The following MGAT5B variants were observed in gnomAD, a reference collection of about 807,000 sequenced individuals.
The protein encoded by MGAT5B is alpha-1,6-mannosylglycoprotein 6-beta-N-acetylglucosaminyltransferase B.
In MGAT5B, 54 loss-of-function variants were observed where a neutral mutation model predicts 95.1. The observed-to-expected ratio is 0.57, with a 90% CI of 0.46 to 0.71. MGAT5B has a LOEUF of 0.71. Among genes scored for constraint, MGAT5B ranks in the 30% least tolerant of loss-of-function variants. The pLI, the probability that MGAT5B is intolerant of heterozygous loss-of-function variation, is 0.00. For missense variants in MGAT5B, 935 were observed against 1,088.6 expected, an observed-to-expected ratio of 0.86 and a Z score of 1.99; for synonymous variants, 464 against 451.0, an observed-to-expected ratio of 1.03 and a Z score of -0.36.
In MGAT5B at chr17:76,933,188, G is replaced by A. The variant is rs866224133; in HGVS notation, c.1423-104G>A. 331 of 1,444,928 alleles carry A rather than the reference G, an allele frequency of 2.3e-4. 6 individuals are homozygous for A. In the Middle Eastern group the frequency reaches 9.9e-3, roughly 43 times the overall value. The allele number at this position is 1,444,928 out of a possible 1,614,324, so 89.5% of individuals were successfully genotyped here. On this transcript the variant is annotated intron_variant, in intron 11 of 17. Coordinates refer to ENST00000569840, the MANE Select transcript of MGAT5B (RefSeq NM_001199172.2). ...AGATTAGAACCCCATCTTCAGGGTTGGGGGCCCCAGAGAGGAGCTGCCTGC... is the reference window on the plus strand; with the variant it reads ...AGATTAGAACCCCATCTTCAGGGTTAGGGGCCCCAGAGAGGAGCTGCCTGC...
chr17:76,906,900 G>A lies in MGAT5B; in HGVS notation c.1025+713G>A, dbSNP rs1439335119. Among the ~76,000 whole-genome samples the A allele has an allele frequency of 3.9e-5, 6 of 152,020 alleles. No homozygotes were observed. Among genetic ancestry groups the A allele is most frequent in the Non-Finnish European group, 8.8e-5 (6 of 68,004 alleles). On this transcript the variant is annotated intron_variant, in intron 8 of 17. Coordinates refer to ENST00000569840, the MANE Select transcript of MGAT5B (RefSeq NM_001199172.2). This position sits in a 1 kb window ranked among gnomAD's most constrained non-coding sequence, Gnocchi z 4.6. ...ACAAAGTCTATGTAAAGTATGTTGT[G>A]AAACACAACAGTCAAATCACCTCCC...
chr17:76,948,525 GA>G (rs780725331), intron 17 of MGAT5B, 114 bp from the exon 18 acceptor site: 10 of 1,090,082 alleles, frequency 9.2e-6, no homozygotes, highest in East Asian at 5.2e-5. Context: ...GCTGGGATGG[GA>G]TGGGCCAGAG....
chr17:76,913,006 A>G (rs543347707), intron 8 of MGAT5B, among the ~76,000 whole-genome samples: 38 of 152,356 alleles, frequency 2.5e-4, no homozygotes, highest in African/African-American at 8.9e-4. Context: ...AGAAAACATT[A>G]CTGAGCTCTT....
chr17:76,916,050 G>A lies in MGAT5B; in HGVS notation c.1026-8916G>A, dbSNP rs8081232. ...GTGTGGCGGGGTCACGTTGAGTGCC[G>A]CCAAATGTCGTGGGCCTCTGCTGCT... On this transcript the variant is annotated intron_variant, in intron 8 of 17. Coordinates refer to ENST00000569840, the MANE Select transcript of MGAT5B (RefSeq NM_001199172.2). The surrounding 1 kb of genome is among the most constrained non-coding windows in gnomAD (Gnocchi z 5.3). Among the ~76,000 whole-genome samples, 28,216 of 152,010 alleles carry A rather than the reference G, an allele frequency of 0.19. 2,718 individuals carry two copies. The highest frequency in any genetic ancestry group is 0.37 in the East Asian group (1,883 of 5,146).
At chr17:76,903,201 C>G (rs984460886) in intron 4 of MGAT5B, 102 bp from the exon 5 acceptor site, 14 of 882,654 alleles carry the variant, frequency 1.6e-5, no homozygotes, top group Middle Eastern at 2.3e-4. Context: ...GGTGGGAAAG[C>G]CTGGCAGCGG....
rs894943727 is a variant in MGAT5B, at chr17:76,938,673, G to A, written c.1584+530G>A. 3.3e-5 allele frequency among the ~76,000 whole-genome samples: 5 copies of A among 152,062 alleles called. No homozygotes were observed. The highest frequency in any genetic ancestry group is 1.2e-4 in the African/African-American group (5 of 41,410). On this transcript the variant is annotated intron_variant, in intron 13 of 17. Coordinates refer to ENST00000569840, the MANE Select transcript of MGAT5B (RefSeq NM_001199172.2). The surrounding 1 kb of genome is among the most constrained non-coding windows in gnomAD (Gnocchi z 4.3). ...TGGAGAGTCTCCAGCCAGCTTCTAG[G>A]CACCCCCTCACCCTCTTTTTTATGA... is the stretch of plus-strand genomic sequence containing the variant.
chr17:76,890,368 T>A (rs1045573604), intron 3 of MGAT5B, among the ~76,000 whole-genome samples: 15 of 152,226 alleles, frequency 9.9e-5, no homozygotes, highest in African/African-American at 3.6e-4. Context: ...GTGATAATAA[T>A]AAAATCATTA....
Position 76,932,784 on chromosome 17 carries a change from G to A in MGAT5B, c.1422+9G>A, listed in dbSNP as rs758808493. On this transcript the variant is annotated intron_variant, in intron 11 of 17. Transcript: ENST00000569840. ...AGGCGAGCATCTGGAAGGTGAGCGCGGCCCCTGCGCGCGGGAAGCACCAGC... is the reference window on the plus strand; with the variant it reads ...AGGCGAGCATCTGGAAGGTGAGCGCAGCCCCTGCGCGCGGGAAGCACCAGC... 7 of 1,612,958 alleles carry A rather than the reference G, an allele frequency of 4.3e-6. No individual in the cohort carries two copies. The highest frequency in any genetic ancestry group is 2.2e-5 in the East Asian group (1 of 44,850).
chr17:76,903,283 A>T lies in MGAT5B; in HGVS notation c.446-20A>T, dbSNP rs780549183. On this transcript the variant is annotated intron_variant, in intron 4 of 17. Transcript: ENST00000569840. ...TCCTCCTTGGACCAGGGACTTCAGC[A>T]AGGTGACCTCTCCCTACAGTGTCAG... 2 of 1,601,636 alleles carry T rather than the reference A, an allele frequency of 1.2e-6. No homozygotes were observed. The highest frequency in any genetic ancestry group is 2.2e-5 in the South Asian group (2 of 89,128).
At chr17:76,920,909 T>C (rs1272843670) in intron 8 of MGAT5B, among the ~76,000 whole-genome samples, 1 of 152,214 alleles carries the variant, frequency 6.6e-6, no homozygotes, top group African/African-American at 2.4e-5. Context: ...ACTTTGTGTA[T>C]AGCTTCATAA....
chr17:76,908,750 T>C (rs1304805830), intron 8 of MGAT5B, among the ~76,000 whole-genome samples: 18 of 152,122 alleles, frequency 1.2e-4, no homozygotes, highest in Admixed American at 1.2e-3. Flanking sequence ...AAGTCCACTC[T>C]TCAAGCTATT....
intron 3 of MGAT5B, among the ~76,000 whole-genome samples, chr17:76,899,653 C>T (rs1446592526): frequency 6.6e-6 from 1 of 151,934 alleles, no homozygotes; most frequent in African/African-American, 2.4e-5. Flanking sequence ...CTCTCTCCCT[C>T]TCTCTCTCTG....
chr17:76,942,104 G>A lies in MGAT5B; in HGVS notation c.1848+1256G>A, dbSNP rs74518333. 6.6e-4 allele frequency among the ~76,000 whole-genome samples: 101 copies of A among 152,322 alleles called. No individual in the cohort carries two copies. In the East Asian group the frequency reaches 0.018, roughly 27 times the overall value. ...GGGAGAGGTTGTGTGACCTTGTAATGCTGGATCCTAGCAAAGCACCGGCCT... is the reference window on the plus strand; with the variant it reads ...GGGAGAGGTTGTGTGACCTTGTAATACTGGATCCTAGCAAAGCACCGGCCT... On this transcript the variant is annotated intron_variant, in intron 15 of 17. Coordinates refer to ENST00000569840, the MANE Select transcript of MGAT5B (RefSeq NM_001199172.2).
intron 2 of MGAT5B, among the ~76,000 whole-genome samples, chr17:76,875,580 T>C (rs1480471270): frequency 2.6e-5 from 4 of 151,720 alleles, no homozygotes; most frequent in Non-Finnish European, 4.4e-5. Flanking sequence ...GGAGTAGTCT[T>C]TTGTGTGTGT....
In MGAT5B at chr17:76,868,973, G is replaced by C; in HGVS notation, c.-57G>C. 1 of 1,556,220 alleles carries C rather than the reference G, an allele frequency of 6.4e-7. No individual in the cohort carries two copies. Among genetic ancestry groups the C allele is most frequent in the Non-Finnish European group, 8.9e-7 (1 of 1,128,438 alleles). On this transcript the variant is annotated 5_prime_UTR_variant, in exon 1 of 18. Coordinates refer to ENST00000569840, the MANE Select transcript of MGAT5B (RefSeq NM_001199172.2). This position sits in a 1 kb window ranked among gnomAD's most constrained non-coding sequence, Gnocchi z 6.3. ...GTGGCCCGGACGCGGCGAGAGCTGG[G>C]CCCAGGACGGTGCGTCCGGCCTCGC...
chr17:76,890,900 T>C (rs1410805887), intron 3 of MGAT5B, among the ~76,000 whole-genome samples: 1 of 151,154 alleles, frequency 6.6e-6, no homozygotes, highest in Non-Finnish European at 1.5e-5. Context: ...GGGTTATAGA[T>C]GATCAGCTTC....
chr17:76,870,772 C>T lies in MGAT5B; in HGVS notation c.68+1675C>T, dbSNP rs1216522580. Among the ~76,000 whole-genome samples, 1 of 152,020 alleles carries T rather than the reference C, an allele frequency of 6.6e-6. No homozygotes were observed. The highest frequency in any genetic ancestry group is 2.4e-5 in the African/African-American group (1 of 41,388). Reference sequence around the variant, plus strand: ...TGGGGGGCAGGCTGCAATCATAGCACCCCAGCTTATTCATCCTCAAAGGCA... The same window carrying T: ...TGGGGGGCAGGCTGCAATCATAGCATCCCAGCTTATTCATCCTCAAAGGCA... On this transcript the variant is annotated intron_variant, in intron 1 of 17. Coordinates refer to ENST00000569840, the MANE Select transcript of MGAT5B (RefSeq NM_001199172.2). This position sits in a 1 kb window ranked among gnomAD's most constrained non-coding sequence, Gnocchi z 5.0.
intron 2 of MGAT5B, among the ~76,000 whole-genome samples, chr17:76,878,716 C>G (rs556112): frequency 0.45 from 67,908 of 152,108 alleles, 16,306 homozygotes; most frequent in East Asian, 0.93. Context: ...CTCAACCAAT[C>G]CATCCACCTT....
chr17:76,871,021 G>C (rs914350310), intron 1 of MGAT5B, among the ~76,000 whole-genome samples: 4 of 152,088 alleles, frequency 2.6e-5, no homozygotes, highest in African/African-American at 7.2e-5. Flanking sequence ...TTCAGGTTCT[G>C]GGCTGAAGGG....
Sources: allele counts gnomAD v4.1 joint callset (sites outside exome capture counted in the v4.1 genomes callset), GRCh38; gene constraint gnomAD v4.1.1; non-coding constraint Gnocchi (gnomAD v3.1); transcripts MANE v1.5; gene names NCBI Gene and HGNC (gene_info 2026-07-23, HGNC 2026-07-21).